Variants in VPS13D observed in about 807,000 individuals in gnomAD.
VPS13D encodes the protein intermembrane lipid transfer protein VPS13D.
In VPS13D, 187 loss-of-function variants were observed where a neutral mutation model predicts 461.9. The ratio of observed to expected loss-of-function variants is 0.40; its 90% CI spans 0.36 to 0.46. The LOEUF (loss-of-function observed/expected upper bound fraction) is 0.46. VPS13D is among the 20% of genes least tolerant of loss of function. The probability of loss-of-function intolerance (pLI) is 0.60; values close to 1 mark genes in which losing one functional copy is unlikely to be tolerated. For synonymous variants in VPS13D, 1,951 were observed against 1,986.3 expected (o/e 0.98, Z 0.47); for missense variants, 4,711 against 5,364.9 (o/e 0.88, Z 3.81).
chr1:12,328,661 C>A (rs1318682188), intron 36 of VPS13D, among the ~76,000 whole-genome samples: 2 of 152,106 alleles, frequency 1.3e-5, no homozygotes, highest in Admixed American at 1.3e-4. Context: ...CTGCTTCAGT[C>A]CCCCGAGTAG....
chr1:12,293,781 CTG>C (rs1455462922), intron 24 of VPS13D, 77 bp downstream of exon 24: 141 of 1,427,272 alleles, frequency 9.9e-5, no homozygotes, highest in Middle Eastern at 2.2e-4. Flanking sequence ...AGAGATGAAT[CTG>C]GAAGAGTAAA....
intron 20 of VPS13D, among the ~76,000 whole-genome samples, chr1:12,280,907 TTAA>T (rs1316039488): frequency 9.9e-5 from 15 of 152,068 alleles, no homozygotes; most frequent in Admixed American, 9.8e-4. Context: ...TTTGAATTCT[TTAA>T]TAATTGATTA....
At chr1:12,278,359 C>A (rs757071880) in intron 19 of VPS13D, among the ~76,000 whole-genome samples, 15 of 152,160 alleles carry the variant, frequency 9.9e-5, no homozygotes, top group Non-Finnish European at 2.1e-4. Flanking sequence ...CAACCTCTAC[C>A]TCCCAGGTTC....
intron 16 of VPS13D, among the ~76,000 whole-genome samples, chr1:12,269,218 C>T (rs1641362569): frequency 6.6e-6 from 1 of 152,100 alleles, no homozygotes; most frequent in Non-Finnish European, 1.5e-5. Flanking sequence ...TTTTGAAAGC[C>T]ACTACCTTTG....
chr1:12,405,963 C>T (rs138198175), intron 63 of VPS13D, among the ~76,000 whole-genome samples: 2 of 152,322 alleles, frequency 1.3e-5, no homozygotes, highest in African/African-American at 4.8e-5. Flanking sequence ...CTCCAGCCCC[C>T]CCCAGTTACA....
intron 65 of VPS13D, among the ~76,000 whole-genome samples, chr1:12,453,330 A>T (rs534175012): frequency 3.1e-4 from 47 of 152,240 alleles, no homozygotes; most frequent in African/African-American, 1.1e-3. Flanking sequence ...AGCGATAGGT[A>T]AAGAGCACTT....
intron 63 of VPS13D, among the ~76,000 whole-genome samples, chr1:12,405,006 A>T (rs1427333567): frequency 2.0e-5 from 3 of 152,214 alleles, no homozygotes; most frequent in African/African-American, 7.2e-5. Flanking sequence ...ATGCTACAAG[A>T]TAGTCATCTT....
chr1:12,338,310 A>C lies in VPS13D; in HGVS notation c.8626+5A>C. On this transcript the variant is annotated splice_donor_5th_base_variant and intron_variant, in intron 40 of 69. Coordinates refer to ENST00000620676, the MANE Select transcript of VPS13D (RefSeq NM_015378.4). ...AGCACCAGATCTATGCTAGAGGTAC[A>C]GTATAGCCAAGCGAGGGCTTGCTTT... 6.2e-7 allele frequency: 1 copy of C among 1,612,638 alleles called. No homozygotes were observed. Among genetic ancestry groups the C allele is most frequent in the Non-Finnish European group, 8.5e-7 (1 of 1,179,000 alleles).
chr1:12,319,724 A>T, intron 32 of VPS13D, 94 bp downstream of exon 32: 1 of 1,563,966 alleles, frequency 6.4e-7, no homozygotes, highest in South Asian at 1.2e-5. Context: ...TCATGAGGGG[A>T]AGGAATTAAT....
In VPS13D at chr1:12,304,540, C is replaced by G; in HGVS notation, c.6251C>G (p.Pro2084Arg). The G allele has an allele frequency of 6.2e-7, 1 of 1,614,048 alleles. No homozygotes were observed. Among genetic ancestry groups the G allele is most frequent in the Non-Finnish European group, 8.5e-7 (1 of 1,179,980 alleles). Residue 2084 changes from proline (P) to arginine (R), a missense_variant, in exon 26 of 70, where the codon CCC becomes CGC. By Grantham distance (103) the Pro-to-Arg change is moderately radical. Coordinates refer to ENST00000620676, the MANE Select transcript of VPS13D (RefSeq NM_015378.4). ...SVPSASPTGI[P>R]KHSLRKTTST... is the part of the protein sequence containing the mutation. ...CCTTCAGCTTCCCCAACGGGTATTC[C>G]CAAACACAGTCTGAGGAAAACGACA... is the stretch of plus-strand genomic sequence containing the variant.
intron 67 of VPS13D, among the ~76,000 whole-genome samples, chr1:12,493,482 CAAAAAAAAAAA>C (rs899634441): frequency 5.4e-5 from 3 of 55,458 alleles, no homozygotes; most frequent in Admixed American, 1.6e-4. Flanking sequence ...GACTCCATCT[CAAAAAAAAAAA>C]AAAAAAAAGA....
chr1:12,343,012 T>C lies in VPS13D; in HGVS notation c.8846T>C (p.Ile2949Thr), dbSNP rs756731179. Residue 2949 changes from isoleucine to threonine, a missense_variant, in exon 42 of 70, where the codon ATT (isoleucine) becomes ACT (threonine). Ile to Thr is a moderately conservative substitution (Grantham distance 89). This residue lies in a region of VPS13D where 4,411 missense variants were observed against 4,937.8 expected (regional missense o/e 0.89). Coordinates refer to ENST00000620676, the MANE Select transcript of VPS13D (RefSeq NM_015378.4). ...CGAGAAGTCCTTACAGGTGAAGAGA[T>C]TCCCTTTGAATTTGAAGCAAGAGGA... ...EWREVLTGEE[I>T]PFEFEARGKL... 20 of 1,613,412 alleles carry C rather than the reference T, an allele frequency of 1.2e-5. No homozygotes were observed. Among genetic ancestry groups the C allele is most frequent in the Non-Finnish European group, 1.6e-5 (19 of 1,179,492 alleles).
intron 58 of VPS13D, 45 bp downstream of exon 58, chr1:12,383,200 C>G (rs1435176231): frequency 6.5e-7 from 1 of 1,547,342 alleles, no homozygotes; most frequent in Admixed American, 1.9e-5. Context: ...TGTACTTCCT[C>G]CACCCCCAAT....
rs200848844 is a variant in VPS13D, at chr1:12,283,371, G to T, written c.5269G>T (p.Asp1757Tyr). 1.2e-6 allele frequency: 2 copies of T among 1,614,002 alleles called. No individual in the cohort carries two copies. Among genetic ancestry groups the T allele is most frequent in the African/African-American group, 2.7e-5 (2 of 74,906 alleles). Residue 1757 changes from aspartate (D) to tyrosine (Y), a missense_variant, in exon 21 of 70, where the codon GAC becomes TAC. Coordinates refer to ENST00000620676, the MANE Select transcript of VPS13D (RefSeq NM_015378.4). ...RKKQKEVQDKDYPLTPPPSPT... is the reference protein window; with the variant it reads ...RKKQKEVQDKYYPLTPPPSPT... Reference sequence around the variant, plus strand: ...AAAGCAAAAGGAAGTCCAAGACAAGGACTATCCCTTGACCCCACCTCCTTC... The same window carrying T: ...AAAGCAAAAGGAAGTCCAAGACAAGTACTATCCCTTGACCCCACCTCCTTC...
intron 68 of VPS13D, chr1:12,500,071 A>G (rs750129082): frequency 1.0e-6 from 1 of 985,370 alleles, no homozygotes; most frequent in Non-Finnish European, 1.2e-6. Flanking sequence ...TCACTTCTGG[A>G]AAATATTGTG....
intron 2 of VPS13D, among the ~76,000 whole-genome samples, chr1:12,235,421 C>A (rs1640116525): frequency 1.3e-5 from 2 of 151,908 alleles, no homozygotes; most frequent in African/African-American, 2.4e-5. Context: ...ACTAAAAATA[C>A]AAAAATTAGC....
intron 30 of VPS13D, among the ~76,000 whole-genome samples, chr1:12,315,510 A>G (rs1486261970): frequency 6.6e-6 from 1 of 152,222 alleles, no homozygotes; most frequent in African/African-American, 2.4e-5. Flanking sequence ...TACGCTCAGT[A>G]TAATCCTGAC....
intron 52 of VPS13D, among the ~76,000 whole-genome samples, chr1:12,365,016 ACT>A (rs1644014304): frequency 6.6e-6 from 1 of 151,726 alleles, no homozygotes; most frequent in Non-Finnish European, 1.5e-5. Flanking sequence ...TATTGAAAAG[ACT>A]CTCCTTTCCC....
chr1:12,441,884 T>G (rs982290916), intron 65 of VPS13D, among the ~76,000 whole-genome samples: 5 of 152,370 alleles, frequency 3.3e-5, no homozygotes, highest in Middle Eastern at 3.4e-3. Context: ...TTATTTTGCT[T>G]CTTTTTCTTT....
Sources: allele counts gnomAD v4.1 joint callset (sites outside exome capture counted in the v4.1 genomes callset), GRCh38; gene constraint gnomAD v4.1.1; regional missense constraint gnomAD v4.1.1; transcripts MANE v1.5; gene names NCBI Gene and HGNC (gene_info 2026-07-23, HGNC 2026-07-21).